Variants in RXRA observed in about 807,000 individuals in gnomAD.
RXRA encodes the protein retinoid X receptor alpha, also known as retinoic acid receptor RXR-alpha.
A neutral mutation model predicts 44.5 loss-of-function variants in RXRA; 5 were observed. That is an observed-to-expected ratio of 0.11 (90% confidence interval 0.06 to 0.24). RXRA has a LOEUF of 0.24. Among genes scored for constraint, RXRA ranks in the 10% least tolerant of loss-of-function variants. RXRA has a pLI of 1.00. For missense variants in RXRA, 412 were observed against 646.5 expected, an observed-to-expected ratio of 0.64 and a Z score of 3.93; for synonymous variants, 291 against 271.4, an observed-to-expected ratio of 1.07 and a Z score of -0.71.
At chr9:134,347,110 G>T (rs1477084974) in intron 1 of RXRA, among the ~76,000 whole-genome samples, 2 of 151,400 alleles carry the variant, frequency 1.3e-5, no homozygotes, top group Non-Finnish European at 2.9e-5. Context: ...TGTCCCTGTG[G>T]AGGTGACGGG....
chr9:134,338,761 C>T (rs1830044338), intron 1 of RXRA, among the ~76,000 whole-genome samples: 1 of 152,230 alleles, frequency 6.6e-6, no homozygotes, highest in African/African-American at 2.4e-5. Flanking sequence ...TGGGGCCAGA[C>T]CCCTGCACTG....
intron 1 of RXRA, among the ~76,000 whole-genome samples, chr9:134,397,280 G>A (rs73556235): frequency 0.13 from 20,036 of 152,170 alleles, 4,317 homozygotes; most frequent in African/African-American, 0.45. Flanking sequence ...AGCCTGTGCC[G>A]TCACTGGGCA....
In RXRA at chr9:134,401,757, A is replaced by G; in HGVS notation, c.154A>G (p.Ser52Gly). Residue 52 changes from serine to glycine, a missense_variant, in exon 2 of 10, where the codon AGC becomes GGC. Physicochemically the swap from Ser to Gly is moderately conservative, Grantham distance 56. Transcript: ENST00000481739. ...GSPGQLHSPI[S>G]TLSSPINGMG... ...CCCGGGACAGCTGCATTCTCCCATC[A>G]GCACCCTGAGCTCCCCCATCAACGG... The G allele has an allele frequency of 6.2e-7, 1 of 1,612,958 alleles. No homozygotes were observed. Among genetic ancestry groups the G allele is most frequent in the Non-Finnish European group, 8.5e-7 (1 of 1,179,890 alleles).
intron 1 of RXRA, among the ~76,000 whole-genome samples, chr9:134,344,327 A>G (rs1830122777): frequency 6.6e-6 from 1 of 152,082 alleles, no homozygotes; most frequent in Admixed American, 6.5e-5. Context: ...GGGTCTATCT[A>G]GCCTGGTGTC....
chr9:134,422,085 G>C (rs1233008830), intron 6 of RXRA: 2 of 1,352,542 alleles, frequency 1.5e-6, no homozygotes, highest in Non-Finnish European at 1.9e-6. Context: ...CCTCTCCCAG[G>C]ACACTCCCGA....
At chr9:134,390,434 G>T (rs1588282058) in intron 1 of RXRA, among the ~76,000 whole-genome samples, 1 of 152,200 alleles carries the variant, frequency 6.6e-6, no homozygotes, top group South Asian at 2.1e-4. Context: ...TGGGTGGGGG[G>T]CCAGGCCCTA....
chr9:134,355,108 CT>C (rs1384440224), intron 1 of RXRA, among the ~76,000 whole-genome samples: 2 of 152,206 alleles, frequency 1.3e-5, no homozygotes, highest in Admixed American at 1.3e-4. Flanking sequence ...CCCACGTTGG[CT>C]TTTGGGGTTC....
intron 4 of RXRA, among the ~76,000 whole-genome samples, chr9:134,415,532 G>A (rs1000109480): frequency 6.6e-6 from 1 of 152,138 alleles, no homozygotes; most frequent in Non-Finnish European, 1.5e-5. Flanking sequence ...TACCCCAGGT[G>A]TTCTGCCCAC....
intron 1 of RXRA, among the ~76,000 whole-genome samples, chr9:134,361,467 C>T (rs1178740814): frequency 5.3e-5 from 8 of 152,268 alleles, no homozygotes; most frequent in South Asian, 2.1e-4. Context: ...CTTTGTCTCC[C>T]GGCTGGGTGG....
chr9:134,388,936 A>G (rs1409205795), intron 1 of RXRA, among the ~76,000 whole-genome samples: 2 of 152,050 alleles, frequency 1.3e-5, no homozygotes, highest in African/African-American at 4.8e-5. Flanking sequence ...GAAGCCCTGG[A>G]AGACACATTT....
chr9:134,382,915 C>T (rs1005874426), intron 1 of RXRA, among the ~76,000 whole-genome samples: 13 of 152,136 alleles, frequency 8.5e-5, no homozygotes, highest in African/African-American at 2.9e-4. Flanking sequence ...TGGAGCGTGC[C>T]GAATGCAGGC....
intron 3 of RXRA, 128 bp downstream of exon 3, chr9:134,408,427 G>A: frequency 9.8e-7 from 1 of 1,016,658 alleles, no homozygotes; most frequent in Non-Finnish European, 1.4e-6. Context: ...AGGGAGGCAG[G>A]TGCCTGGGCC....
chr9:134,372,807 C>T (rs555690959), intron 1 of RXRA, among the ~76,000 whole-genome samples: 1 of 152,360 alleles, frequency 6.6e-6, no homozygotes, highest in South Asian at 2.1e-4. Flanking sequence ...TGGCTCTGCC[C>T]TTGTAGGCTG....
At chr9:134,408,815 C>T in intron 3 of RXRA, 125 bp from the exon 4 acceptor site, 1 of 899,976 alleles carries the variant, frequency 1.1e-6, no homozygotes. Flanking sequence ...AGGCAGGGGT[C>T]TGGAGACCAG....
At chr9:134,379,849 G>A in intron 1 of RXRA, 1 of 985,262 alleles carries the variant, frequency 1.0e-6, no homozygotes, top group East Asian at 1.1e-4. Flanking sequence ...GAGGGGCAGT[G>A]GCCCTGGGAT....
intron 6 of RXRA, among the ~76,000 whole-genome samples, chr9:134,428,238 T>C (rs193278247): frequency 2.4e-4 from 35 of 145,256 alleles, no homozygotes; most frequent in Admixed American, 5.5e-4. Context: ...CCCCACTGTG[T>C]TGAGGGGCTG....
chr9:134,401,535 C>G, intron 1 of RXRA, 97 bp from the exon 2 acceptor site: 1 of 1,581,048 alleles, frequency 6.3e-7, no homozygotes, highest in Non-Finnish European at 8.6e-7. Context: ...CGGGGTCTTC[C>G]CGCAGGTGCG....
At position 134,328,500 on chromosome 9, in the gene RXRA, C is replaced by G. The variant is rs368959869; in HGVS notation, c.28+1841C>G. On this transcript the variant is annotated intron_variant, in intron 1 of 9. Coordinates refer to ENST00000481739, the MANE Select transcript of RXRA (RefSeq NM_002957.6). The stretch of plus-strand genomic sequence containing the variant: ...AAGGAAGCTAGGAGTCTTCTGTTCT[C>G]GAGCAGCAGCTCTCCCGACCGGCCC... Among the ~76,000 whole-genome samples the G allele has an allele frequency of 3.5e-4, 53 of 152,270 alleles. No homozygotes were observed. The South Asian group carries it at 4.6e-3, about 13-fold the overall frequency.
At chr9:134,354,099 T>G (rs1830254552) in intron 1 of RXRA, among the ~76,000 whole-genome samples, 2 of 152,118 alleles carry the variant, frequency 1.3e-5, no homozygotes. Context: ...AGCCTAGAGG[T>G]GCATTCCAGC....
Sources: allele counts gnomAD v4.1 joint callset (sites outside exome capture counted in the v4.1 genomes callset), GRCh38; gene constraint gnomAD v4.1.1; transcripts MANE v1.5; gene names NCBI Gene and HGNC (gene_info 2026-07-23, HGNC 2026-07-21).